The following PCDHGA7 variants were observed in gnomAD, a reference collection of about 807,000 sequenced individuals.
PCDHGA7 encodes protocadherin gamma-A7.
In PCDHGA7, 44 loss-of-function variants were observed where a neutral mutation model predicts 58.3. The observed-to-expected ratio is 0.75, with a 90% CI of 0.59 to 0.97. The LOEUF is 0.97. Among genes scored for constraint, PCDHGA7 ranks in the 50% least tolerant of loss-of-function variants. The probability of loss-of-function intolerance (pLI) is 0.00; values close to 1 mark genes in which losing one functional copy is unlikely to be tolerated. For synonymous variants in PCDHGA7, 516 were observed against 504.2 expected (o/e 1.02, Z -0.31); for missense variants, 1,266 against 1,188.7 (o/e 1.06, Z -0.96).
chr5:141,405,419 T>C, intron 1 of PCDHGA7: 7 of 1,509,010 alleles, frequency 4.6e-6, no homozygotes, highest in Non-Finnish European at 5.4e-6. Flanking sequence ...TTTTTTGTTT[T>C]TTGTTTTGTT....
intron 1 of PCDHGA7, chr5:141,399,577 T>C: frequency 1.2e-6 from 2 of 1,613,972 alleles, no homozygotes; most frequent in Non-Finnish European, 1.7e-6. Context: ...CGGCCAAGTC[T>C]CCTACTCTAT....
At position 141,478,736 on chromosome 5, in the gene PCDHGA7, T is replaced by G; in HGVS notation, c.2425-16071T>G. On this transcript the variant is annotated intron_variant, in intron 1 of 3. Coordinates refer to ENST00000518325, the MANE Select transcript of PCDHGA7 (RefSeq NM_018920.4). Reference sequence around the variant, plus strand: ...TGGTGGCCTGCCAGAGTGTGGTTTGTGGTCCCATTTCAGGGGGAAGATACT... The same window carrying G: ...TGGTGGCCTGCCAGAGTGTGGTTTGGGGTCCCATTTCAGGGGGAAGATACT... 5 of 1,534,796 alleles carry G rather than the reference T, an allele frequency of 3.3e-6. No homozygotes were observed. In the South Asian group the frequency reaches 6.2e-5, roughly 19 times the overall value.
chr5:141,410,737 C>A, intron 1 of PCDHGA7: 1 of 1,295,554 alleles, frequency 7.7e-7, no homozygotes, highest in East Asian at 2.5e-5. Context: ...TAGCTTTTTA[C>A]AATATTTTCT....
chr5:141,446,623 TGC>T (rs1310809206), intron 1 of PCDHGA7, among the ~76,000 whole-genome samples: 1 of 152,014 alleles, frequency 6.6e-6, no homozygotes, highest in African/African-American at 2.4e-5. Flanking sequence ...ACTACAGGCG[TGC>T]ACCACCACGC....
In PCDHGA7 at chr5:141,489,948, T is replaced by C; in HGVS notation, c.2425-4859T>C. 2 of 1,614,210 alleles carry C rather than the reference T, an allele frequency of 1.2e-6. No individual in the cohort carries two copies. Among genetic ancestry groups the C allele is most frequent in the Non-Finnish European group, 1.7e-6 (2 of 1,180,030 alleles). On this transcript the variant is annotated intron_variant, in intron 1 of 3. Coordinates refer to ENST00000518325, the MANE Select transcript of PCDHGA7 (RefSeq NM_018920.4). The surrounding 1 kb of genome is among the most constrained non-coding windows in gnomAD (Gnocchi z 4.5). ...TCTCTGTCATCGTGCTGGACATCAA[T>C]GATAATGCTCCAACCTTCCAATCCT...
chr5:141,437,408 G>A (rs1591455458), intron 1 of PCDHGA7, among the ~76,000 whole-genome samples: 1 of 152,200 alleles, frequency 6.6e-6, no homozygotes, highest in Non-Finnish European at 1.5e-5. Flanking sequence ...CATTCCAGAA[G>A]TATTATGCTT....
At chr5:141,421,080 C>G in intron 1 of PCDHGA7, 1 of 638,368 alleles carries the variant, frequency 1.6e-6, no homozygotes, top group South Asian at 2.1e-5. Flanking sequence ...GATGGATACT[C>G]ACAGATCCTG....
chr5:141,477,438 C>T lies in PCDHGA7; in HGVS notation c.2425-17369C>T, dbSNP rs1386997844. On this transcript the variant is annotated intron_variant, in intron 1 of 3. Transcript: ENST00000518325. This position sits in a 1 kb window ranked among gnomAD's most constrained non-coding sequence, Gnocchi z 4.9. ...GGAACCCCTTCCCTCTCAGCCCTTA[C>T]AATAGTGCGTGTTCAAGTGTCCGAC... 6.2e-7 allele frequency: 1 copy of T among 1,614,174 alleles called. No homozygotes were observed. The highest frequency in any genetic ancestry group is 8.5e-7 in the Non-Finnish European group (1 of 1,180,030).
intron 1 of PCDHGA7, among the ~76,000 whole-genome samples, chr5:141,492,760 C>T (rs991820569): frequency 1.3e-5 from 2 of 152,212 alleles, no homozygotes; most frequent in Admixed American, 1.3e-4. Context: ...CAGGGCTCCG[C>T]GTTGGGCGAG....
chr5:141,470,323 A>C (rs1029928511), intron 1 of PCDHGA7, among the ~76,000 whole-genome samples: 1 of 152,188 alleles, frequency 6.6e-6, no homozygotes, highest in African/African-American at 2.4e-5. Flanking sequence ...AAATGATCCC[A>C]TAATTTGACC....
chr5:141,431,858 G>T lies in PCDHGA7; in HGVS notation c.2424+46535G>T, dbSNP rs1421209596. On this transcript the variant is annotated intron_variant, in intron 1 of 3. Coordinates refer to ENST00000518325, the MANE Select transcript of PCDHGA7 (RefSeq NM_018920.4). This position sits in a 1 kb window ranked among gnomAD's most constrained non-coding sequence, Gnocchi z 4.8. ...AAACTCTCCCAGAGGGACATTAATTGCCCTTTTAAATGTAAATGACCAAGA... is the reference window on the plus strand; with the variant it reads ...AAACTCTCCCAGAGGGACATTAATTTCCCTTTTAAATGTAAATGACCAAGA... 6.8e-6 allele frequency: 11 copies of T among 1,614,080 alleles called. No homozygotes were observed. The highest frequency in any genetic ancestry group is 8.5e-6 in the Non-Finnish European group (10 of 1,180,028).
chr5:141,384,192 C>G lies in PCDHGA7; in HGVS notation c.1293C>G (p.Pro431=). 1 of 1,613,866 alleles carries G rather than the reference C, an allele frequency of 6.2e-7. No homozygotes were observed. ...AAGCCACAGATGGTGGAACTCCTCC[C>G]TTGTCCAGGGAAACTCACATATTCA... is the stretch of plus-strand genomic sequence containing the variant. The part of the protein sequence containing the change: ...TLKATDGGTP[P]LSRETHIFMQ... The change falls in exon 1 of 4, where the codon CCC becomes CCG. Residue 431 remains proline, a synonymous_variant. Transcript: ENST00000518325.
rs765454115 is a variant in PCDHGA7, at chr5:141,410,470, T to C, written c.2424+25147T>C. On this transcript the variant is annotated intron_variant, in intron 1 of 3. Coordinates refer to ENST00000518325, the MANE Select transcript of PCDHGA7 (RefSeq NM_018920.4). Reference sequence around the variant, plus strand: ...TGCCTTATTCTTATAATCTGTGCATTGCACATACGGGTACAAAAGAGTTTA... The same window carrying C: ...TGCCTTATTCTTATAATCTGTGCATCGCACATACGGGTACAAAAGAGTTTA... 1.9e-6 allele frequency: 3 copies of C among 1,613,922 alleles called. No individual in the cohort carries two copies. The African/African-American group carries it at 4.0e-5, about 22-fold the overall frequency.
intron 1 of PCDHGA7, chr5:141,399,623 C>A: frequency 6.2e-7 from 1 of 1,613,920 alleles, no homozygotes; most frequent in South Asian, 1.1e-5. Context: ...GCACTGGCCT[C>A]TTACGTGTCC....
At chr5:141,439,126 G>A (rs2098089550) in intron 1 of PCDHGA7, among the ~76,000 whole-genome samples, 1 of 151,328 alleles carries the variant, frequency 6.6e-6, no homozygotes, top group African/African-American at 2.4e-5. Flanking sequence ...CCGGGAGACA[G>A]AGGTTGCAGT....
intron 1 of PCDHGA7, chr5:141,433,257 G>T: frequency 7.2e-7 from 1 of 1,385,416 alleles, no homozygotes; most frequent in Non-Finnish European, 9.9e-7. Context: ...GCAGCGGTAC[G>T]ATCATAGCTC....
At chr5:141,419,602 C>G (rs757423030) in intron 1 of PCDHGA7, 3 of 1,611,874 alleles carry the variant, frequency 1.9e-6, no homozygotes, top group African/African-American at 2.7e-5. Context: ...TGCCGCGGGC[C>G]GCGCAGCCAG....
intron 1 of PCDHGA7, chr5:141,423,117 G>A (rs1429958385): frequency 6.2e-7 from 1 of 1,613,698 alleles, no homozygotes; most frequent in Non-Finnish European, 8.5e-7. Flanking sequence ...TGCGTACAGC[G>A]CGGGCACTGC....
At chr5:141,444,152 A>ATTTTT (rs747671382) in intron 1 of PCDHGA7, among the ~76,000 whole-genome samples, 10 of 33,898 alleles carry the variant, frequency 3.0e-4, no homozygotes, top group Middle Eastern at 0.019. Context: ...TGTGTACTGG[A>ATTTTT]TTTTTTTTTT....
Sources: gnomAD v4.1 joint callset for allele counts (sites outside exome capture counted in the v4.1 genomes callset) on GRCh38, gnomAD v4.1.1 for gene constraint, Gnocchi (gnomAD v3.1) non-coding constraint, MANE v1.5 for transcripts, NCBI Gene and HGNC (gene_info 2026-07-23, HGNC 2026-07-21) for gene names.